The following LRMDA variants were observed in gnomAD, a reference collection of about 807,000 sequenced individuals.
LRMDA encodes leucine-rich melanocyte differentiation-associated protein.
Under a neutral mutation model 29.8 loss-of-function variants are expected in LRMDA, and 18 were observed. The ratio of observed to expected loss-of-function variants is 0.60; its 90% confidence interval spans 0.42 to 0.90. LRMDA has a LOEUF of 0.90. LRMDA is among the 40% of genes least tolerant of loss of function. The probability of loss-of-function intolerance (pLI) is 0.00; values close to 1 mark genes in which losing one functional copy is unlikely to be tolerated. For synonymous variants in LRMDA, 125 were observed against 109.4 expected, an observed-to-expected ratio of 1.14 and a Z score of -0.89; for missense variants, 273 against 273.9, an observed-to-expected ratio of 1.00 and a Z score of 0.02.
chr10:75,782,728 G>A (rs1020048065), intron 2 of LRMDA: 1 of 1,320,660 alleles, frequency 7.6e-7, no homozygotes, highest in Non-Finnish European at 9.7e-7. Context: ...TGGAGACCGG[G>A]GCGAAACTGC....
chr10:76,418,173 A>G (rs1318008283), intron 6 of LRMDA, among the ~76,000 whole-genome samples: 9 of 152,136 alleles, frequency 5.9e-5, no homozygotes, highest in Admixed American at 5.9e-4. Context: ...ATGAAAAAAG[A>G]TGATATTTTG....
At chr10:76,105,577 CAGGCAGAG>C (rs1158813089) in intron 5 of LRMDA, among the ~76,000 whole-genome samples, 1 of 152,058 alleles carries the variant, frequency 6.6e-6, no homozygotes, top group Non-Finnish European at 1.5e-5. Flanking sequence ...CAGGAGAAGA[CAGGCAGAG>C]ACTGGAGTTA....
chr10:75,923,400 G>A (rs1456763734), intron 2 of LRMDA, among the ~76,000 whole-genome samples: 1 of 152,118 alleles, frequency 6.6e-6, no homozygotes, highest in Non-Finnish European at 1.5e-5. Context: ...CTCAAAATCA[G>A]AGACTAGATT....
chr10:75,919,201 T>G (rs1845986770), intron 2 of LRMDA, among the ~76,000 whole-genome samples: 1 of 152,200 alleles, frequency 6.6e-6, no homozygotes, highest in South Asian at 2.1e-4. Flanking sequence ...GGCCTCTGAT[T>G]CCTGGCTCTG....
At chr10:76,475,371 G>C (rs1353980271) in intron 6 of LRMDA, among the ~76,000 whole-genome samples, 1 of 150,958 alleles carries the variant, frequency 6.6e-6, no homozygotes, top group African/African-American at 2.4e-5. Context: ...AAGAAAAGAT[G>C]AATACAGGAG....
At chr10:75,792,704 C>T (rs965315104) in intron 2 of LRMDA, among the ~76,000 whole-genome samples, 1 of 152,204 alleles carries the variant, frequency 6.6e-6, no homozygotes. Flanking sequence ...TGCTCTGAAG[C>T]TTATCACTTA....
At chr10:76,468,412 T>C (rs910758984) in intron 6 of LRMDA, among the ~76,000 whole-genome samples, 3 of 152,220 alleles carry the variant, frequency 2.0e-5, no homozygotes, top group African/African-American at 7.2e-5. Context: ...TTTTCATTAA[T>C]AATTGCTGAC....
chr10:75,741,861 G>A (rs1842833634), intron 2 of LRMDA, among the ~76,000 whole-genome samples: 1 of 152,166 alleles, frequency 6.6e-6, no homozygotes, highest in African/African-American at 2.4e-5. Flanking sequence ...GGTTTTAGGA[G>A]GTGGGGCCTT....
intron 2 of LRMDA, among the ~76,000 whole-genome samples, chr10:75,541,157 G>A (rs1230129000): frequency 6.6e-6 from 1 of 152,104 alleles, no homozygotes; most frequent in African/African-American, 2.4e-5. Context: ...GGCCAACTGG[G>A]TCTTTCCTGG....
In LRMDA at chr10:75,613,116, A is replaced by ATT. The variant is rs5786181; in HGVS notation, c.131+174634_131+174635dup. 7.5e-3 allele frequency among the ~76,000 whole-genome samples: 1,116 copies of ATT among 148,622 alleles called. 7 individuals are homozygous for ATT. The highest frequency in any genetic ancestry group is 0.021 in the African/African-American group (866 of 40,698). On this transcript the variant is annotated intron_variant, in intron 2 of 6. Coordinates refer to ENST00000611255, the MANE Select transcript of LRMDA (RefSeq NM_001305581.2). ...AACTGTAGACTTGAAAACCTTGCCA[A>ATT]TTTTTTTTTTTTTGTAGCAGTTAAC... is the stretch of plus-strand genomic sequence containing the variant.
chr10:76,133,263 A>C (rs1057098796), intron 5 of LRMDA, among the ~76,000 whole-genome samples: 1 of 130,460 alleles, frequency 7.7e-6, no homozygotes, highest in Non-Finnish European at 1.6e-5. Flanking sequence ...GATTATATTT[A>C]TTTCGTGTGT....
chr10:76,498,271 A>G (rs143609583), intron 6 of LRMDA, among the ~76,000 whole-genome samples: 1,379 of 75,328 alleles, frequency 0.018, 598 homozygotes, highest in Non-Finnish European at 0.048. Flanking sequence ...GCAAGCCTCA[A>G]AGGCCTCTCA....
Position 75,690,778 on chromosome 10 carries a change from A to G in LRMDA, c.131+252284A>G, listed in dbSNP as rs533543604. On this transcript the variant is annotated intron_variant, in intron 2 of 6. Coordinates refer to ENST00000611255, the MANE Select transcript of LRMDA (RefSeq NM_001305581.2). ...CTCAAGACCAGCCTGGTCTTGCATT[A>G]TAGCAAAAACCTGTCTCTCTCTCTA... 7.9e-5 allele frequency among the ~76,000 whole-genome samples: 12 copies of G among 151,752 alleles called. No homozygotes were observed. The South Asian group carries it at 2.5e-3, about 32-fold the overall frequency.
intron 2 of LRMDA, among the ~76,000 whole-genome samples, chr10:75,886,533 C>G (rs571609574): frequency 6.6e-6 from 1 of 152,136 alleles, no homozygotes; most frequent in Non-Finnish European, 1.5e-5. Flanking sequence ...TCTGACTCAT[C>G]ATAATCACAT....
intron 4 of LRMDA, among the ~76,000 whole-genome samples, chr10:76,051,144 G>A (rs1002341128): frequency 2.0e-5 from 3 of 152,210 alleles, no homozygotes; most frequent in African/African-American, 4.8e-5. Flanking sequence ...CCGTCTGGTC[G>A]CTCTGGGCTG....
chr10:75,504,015 AT>A lies in LRMDA; in HGVS notation c.131+65537del, dbSNP rs34217626. ...GTTAGGTCATTTATTTATTAATCCCATTTTTTTTTTTTTTTTGAGACAGGGT... is the reference window on the plus strand; with the variant it reads ...GTTAGGTCATTTATTTATTAATCCCATTTTTTTTTTTTTTTGAGACAGGGT... On this transcript the variant is annotated intron_variant, in intron 2 of 6. Transcript: ENST00000611255. 9.0e-4 allele frequency among the ~76,000 whole-genome samples: 127 copies of A among 141,760 alleles called. 1 individual carries two copies. Among genetic ancestry groups the A allele is most frequent in the South Asian group, 7.3e-3 (32 of 4,396 alleles). 93.0% of individuals were successfully genotyped at this position (141,760 alleles called of 152,430 possible). A position where few individuals can be genotyped will look rare whatever the true frequency, so the allele number is the denominator to read the frequency against.
At chr10:76,464,765 T>G (rs1172594846) in intron 6 of LRMDA, 1 of 152,232 alleles carries the variant, frequency 6.6e-6, no homozygotes, top group African/African-American at 2.4e-5. Context: ...AAATGATTCA[T>G]GAGTTTCCAT....
chr10:76,243,271 T>C (rs1183060193), intron 5 of LRMDA, among the ~76,000 whole-genome samples: 1 of 152,194 alleles, frequency 6.6e-6, no homozygotes, highest in African/African-American at 2.4e-5. Context: ...GAAGAGATCA[T>C]TATAAAGAGA....
chr10:76,177,907 G>A (rs934962018), intron 5 of LRMDA, among the ~76,000 whole-genome samples: 1 of 152,326 alleles, frequency 6.6e-6, no homozygotes, highest in African/African-American at 2.4e-5. Flanking sequence ...GTCCAGTGGT[G>A]TTAGAGCTGA....
Sources: allele counts gnomAD v4.1 joint callset (sites outside exome capture counted in the v4.1 genomes callset), GRCh38; gene constraint gnomAD v4.1.1; transcripts MANE v1.5; gene names NCBI Gene and HGNC (gene_info 2026-07-23, HGNC 2026-07-21).